Variants in PCGF3 observed in about 807,000 individuals in gnomAD.
PCGF3 encodes polycomb group ring finger 3, also known as polycomb group RING finger protein 3.
Under a neutral mutation model 33.1 loss-of-function variants are expected in PCGF3, and 7 were observed. The observed-to-expected ratio is 0.21, with a 90% CI of 0.12 to 0.40. The LOEUF is 0.40. Among genes scored for constraint, PCGF3 ranks in the 10% least tolerant of loss-of-function variants. PCGF3 has a pLI of 1.00. For missense variants in PCGF3, 211 were observed against 313.3 expected, an observed-to-expected ratio of 0.67 and a Z score of 2.46; for synonymous variants, 153 against 121.3, an observed-to-expected ratio of 1.26 and a Z score of -1.72.
At chr4:735,524 G>A (rs184628737) in intron 5 of PCGF3, among the ~76,000 whole-genome samples, 27 of 136,560 alleles carry the variant, frequency 2.0e-4, no homozygotes, top group Admixed American at 1.0e-3. Context: ...CCAGCCTGGC[G>A]ACAGAGCGAG....
At chr4:712,253 G>A (rs776294783) in intron 1 of PCGF3, among the ~76,000 whole-genome samples, 3 of 152,270 alleles carry the variant, frequency 2.0e-5, no homozygotes, top group South Asian at 4.1e-4. Context: ...TTATGCAAAT[G>A]CCAAAATGAC....
At chr4:728,421 G>T (rs1347638849) in intron 1 of PCGF3, among the ~76,000 whole-genome samples, 1 of 150,532 alleles carries the variant, frequency 6.6e-6, no homozygotes, top group East Asian at 2.0e-4. Flanking sequence ...TAGAGTGCGT[G>T]GGGGGTGGCG....
intron 1 of PCGF3, among the ~76,000 whole-genome samples, chr4:715,535 T>A (rs1233128541): frequency 1.4e-5 from 2 of 139,124 alleles, no homozygotes; most frequent in African/African-American, 5.4e-5. Context: ...TGGGACCCTG[T>A]AGACACTGAG....
In PCGF3 at chr4:721,607, G is replaced by A. The variant is rs1743079769; in HGVS notation, c.-189-9023G>A. Among the ~76,000 whole-genome samples the A allele has an allele frequency of 6.6e-6, 1 of 152,184 alleles. No homozygotes were observed. Among genetic ancestry groups the A allele is most frequent in the African/African-American group, 2.4e-5 (1 of 41,448 alleles). Reference sequence around the variant, plus strand: ...CCCCCAGGACTCCTTTCACAGGACAGAGAAGCTCCTGGTGAGCGGGGCTGC... The same window carrying A: ...CCCCCAGGACTCCTTTCACAGGACAAAGAAGCTCCTGGTGAGCGGGGCTGC... On this transcript the variant is annotated intron_variant, in intron 1 of 10. Transcript: ENST00000362003. The surrounding 1 kb of genome is among the most constrained non-coding windows in gnomAD (Gnocchi z 4.1).
intron 8 of PCGF3, among the ~76,000 whole-genome samples, chr4:755,352 G>A (rs181413520): frequency 4.7e-4 from 71 of 152,130 alleles, no homozygotes; most frequent in Admixed American, 2.5e-3. Flanking sequence ...CTCATCGCAC[G>A]TCTCTGGGCT....
At chr4:711,201 C>T (rs373328401) in intron 1 of PCGF3, among the ~76,000 whole-genome samples, 7 of 152,214 alleles carry the variant, frequency 4.6e-5, no homozygotes, top group African/African-American at 1.4e-4. Context: ...CCTCAGCCGC[C>T]CCTCCCACCA....
At chr4:709,903 T>C (rs1742494209) in intron 1 of PCGF3, among the ~76,000 whole-genome samples, 1 of 152,252 alleles carries the variant, frequency 6.6e-6, no homozygotes, top group African/African-American at 2.4e-5. Flanking sequence ...CAACACTTCC[T>C]TCTGATTTGC....
At position 720,554 on chromosome 4, in the gene PCGF3, C is replaced by T. The variant is rs1489317822; in HGVS notation, c.-189-10076C>T. Among the ~76,000 whole-genome samples the T allele has an allele frequency of 6.6e-6, 1 of 152,122 alleles. No homozygotes were observed. Among genetic ancestry groups the T allele is most frequent in the African/African-American group, 2.4e-5 (1 of 41,416 alleles). ...GAGGACGGCAAGGCTGATGTGGACG[C>T]AGCCCCGACGTGAACAGGACCCCAC... On this transcript the variant is annotated intron_variant, in intron 1 of 10. Coordinates refer to ENST00000362003, the Ensembl canonical transcript of PCGF3. This position sits in a 1 kb window ranked among gnomAD's most constrained non-coding sequence, Gnocchi z 5.6.
At chr4:753,123 C>T in intron 8 of PCGF3, among the ~76,000 whole-genome samples, 1 of 152,246 alleles carries the variant, frequency 6.6e-6, no homozygotes, top group East Asian at 1.9e-4. Context: ...GCATGGGCAC[C>T]TTCTCTCCCA....
chr4:761,386 C>A, exon 9 of PCGF3: 1 of 1,610,664 alleles, frequency 6.2e-7, no homozygotes, highest in South Asian at 1.1e-5. Context: ...AGTTCATCGC[C>A]AAAAAACTCA....
At position 720,483 on chromosome 4, in the gene PCGF3, C is replaced by T. The variant is rs1056193575; in HGVS notation, c.-189-10147C>T. Among the ~76,000 whole-genome samples, 8 of 152,156 alleles carry T rather than the reference C, an allele frequency of 5.3e-5. No individual in the cohort carries two copies. Among genetic ancestry groups the T allele is most frequent in the African/African-American group, 1.2e-4 (5 of 41,432 alleles). The stretch of plus-strand genomic sequence containing the variant: ...TCAGGTGGACAGGGGCTGGCCCACC[C>T]GTGAGTGGGTAGGGCCTCCTGCCAG... On this transcript the variant is annotated intron_variant, in intron 1 of 10. Coordinates refer to ENST00000362003, the Ensembl canonical transcript of PCGF3. The surrounding 1 kb of genome is among the most constrained non-coding windows in gnomAD (Gnocchi z 5.6).
chr4:708,277 G>A (rs999102672), intron 1 of PCGF3, among the ~76,000 whole-genome samples: 1 of 152,152 alleles, frequency 6.6e-6, no homozygotes, highest in African/African-American at 2.4e-5. Context: ...CCTGATGAGA[G>A]CTGGAACTTC....
chr4:756,295 C>T (rs544407099), intron 8 of PCGF3, among the ~76,000 whole-genome samples: 3 of 151,856 alleles, frequency 2.0e-5, no homozygotes, highest in Non-Finnish European at 4.4e-5. Context: ...TCACTGCAAC[C>T]TCTACCTCCC....
At chr4:753,316 G>A (rs574719611) in intron 8 of PCGF3, among the ~76,000 whole-genome samples, 1 of 152,244 alleles carries the variant, frequency 6.6e-6, no homozygotes, top group African/African-American at 2.4e-5. Flanking sequence ...CCCGAGTAGG[G>A]ACCACAGGTG....
rs543159484 is a variant in PCGF3, at chr4:720,623, G to A, written c.-189-10007G>A. Among the ~76,000 whole-genome samples, 951 of 143,446 alleles carry A rather than the reference G, an allele frequency of 6.6e-3. No homozygotes were observed. Among genetic ancestry groups the A allele is most frequent in the South Asian group, 0.016 (66 of 4,088 alleles). The allele number at this position is 143,446 out of a possible 152,430, so 94.1% of individuals were successfully genotyped here. The stretch of plus-strand genomic sequence containing the variant: ...GCGTGTGGACCCGGGGTGGACGGGC[G>A]GTGACGTGCGTGTGGACCCGGGGTG... On this transcript the variant is annotated intron_variant, in intron 1 of 10. Transcript: ENST00000362003. The surrounding 1 kb of genome is among the most constrained non-coding windows in gnomAD (Gnocchi z 5.6).
intron 1 of PCGF3, among the ~76,000 whole-genome samples, chr4:722,687 GCGTCATCACCTGTCTGCGCTGGGTC>G (rs1743145080): frequency 1.8e-5 from 2 of 109,368 alleles, no homozygotes; most frequent in African/African-American, 7.6e-5. Context: ...GTCCACACTC[GCGTCATCACCTGTCTGCGCTGGGTC>G]CACACTCGCG....
chr4:769,395 A>C (rs530027561), exon 11 of PCGF3: 86 of 152,846 alleles, frequency 5.6e-4, no homozygotes, highest in African/African-American at 1.8e-3. Context: ...AAACATGGAA[A>C]ATAAGTTTAG....
chr4:719,600 G>A (rs1299131925), intron 1 of PCGF3, among the ~76,000 whole-genome samples: 2 of 152,378 alleles, frequency 1.3e-5, no homozygotes, highest in East Asian at 1.9e-4. Flanking sequence ...GAACAGGAGC[G>A]AGGCGTTTAC....
At position 721,834 on chromosome 4, in the gene PCGF3, T is replaced by A. The variant is rs1019743238; in HGVS notation, c.-189-8796T>A. On this transcript the variant is annotated intron_variant, in intron 1 of 10. Transcript: ENST00000362003. This position sits in a 1 kb window ranked among gnomAD's most constrained non-coding sequence, Gnocchi z 4.1. Reference sequence around the variant, plus strand: ...TGTGGGAGGTGGGTGGATGGGTGTCTCTGCATGTGGGTGTGGAAAGAGGCC... The same window carrying A: ...TGTGGGAGGTGGGTGGATGGGTGTCACTGCATGTGGGTGTGGAAAGAGGCC... Among the ~76,000 whole-genome samples the A allele has an allele frequency of 6.9e-6, 1 of 144,316 alleles. No homozygotes were observed. The highest frequency in any genetic ancestry group is 3.5e-3 in the Middle Eastern group (1 of 288). The allele number at this position is 144,316 out of a possible 152,430, so 94.7% of individuals were successfully genotyped here.
Sources: gnomAD v4.1 joint callset for allele counts (sites outside exome capture counted in the v4.1 genomes callset) on GRCh38, gnomAD v4.1.1 for gene constraint, Gnocchi (gnomAD v3.1) non-coding constraint, MANE v1.5 for transcripts, NCBI Gene and HGNC (gene_info 2026-07-23, HGNC 2026-07-21) for gene names.